The following EMC3 variants were observed in gnomAD, a reference collection of about 807,000 sequenced individuals.
The protein encoded by EMC3 is ER membrane protein complex subunit 3.
Under a neutral mutation model 36.6 loss-of-function variants are expected in EMC3, and 13 were observed. The observed-to-expected ratio is 0.35, with a 90% CI of 0.23 to 0.56. The LOEUF (loss-of-function observed/expected upper bound fraction) is 0.56. Ranked by LOEUF, EMC3 falls within the 20% of genes least tolerant of loss-of-function variation. The pLI is 0.84. For synonymous variants in EMC3, 120 were observed against 111.9 expected (o/e 1.07, Z -0.46); for missense variants, 220 against 324.5 (o/e 0.68, Z 2.47).
chr3:9,987,305 G>A, upstream of EMC3: 2 of 985,060 alleles, frequency 2.0e-6, no homozygotes, highest in Non-Finnish European at 2.4e-6. Context: ...TCGAGGCCCC[G>A]CTCCCCTGCG....
rs563219466 is a variant in EMC3, at chr3:9,984,272, G to T, written c.155+2235C>A. Among the ~76,000 whole-genome samples the T allele has an allele frequency of 2.2e-4, 33 of 151,704 alleles. No homozygotes were observed. The East Asian group carries it at 3.5e-3, about 16-fold the overall frequency. On this transcript the variant is annotated intron_variant, in intron 1 of 7. Transcript: ENST00000245046. ...AATTTTTGTATTTTTAGTAGAGATG[G>T]GGTTTCACCATGTTGGCCAGGATGG...
chr3:10,007,056 C>T, intron 1 of EMC3: 1 of 297,058 alleles, frequency 3.4e-6, no homozygotes. Flanking sequence ...TGCTGCTTTG[C>T]ACCCTCTTTG....
At chr3:9,991,148 G>A (rs1559356143), upstream of EMC3, among the ~76,000 whole-genome samples, 1 of 152,090 alleles carries the variant, frequency 6.6e-6, no homozygotes, top group Non-Finnish European at 1.5e-5. Flanking sequence ...TTTTTATAGA[G>A]ATGAGGTCTT....
chr3:10,008,754 G>A (rs2086291342), intron 1 of EMC3: 3 of 285,006 alleles, frequency 1.1e-5, no homozygotes, highest in Non-Finnish European at 2.1e-5. Flanking sequence ...CCCATTCTCA[G>A]GTTCTGAAGT....
upstream of EMC3, among the ~76,000 whole-genome samples, chr3:9,990,325 C>CTTTTTTTTTTTTTT (rs4020037): frequency 3.4e-5 from 3 of 88,704 alleles, no homozygotes; most frequent in African/African-American, 1.7e-4. Flanking sequence ...GGGCCTTTCT[C>CTTTTTTTTTTTTTT]TTTTTTTTTT....
intron 1 of EMC3, among the ~76,000 whole-genome samples, chr3:9,984,726 G>A (rs559009596): frequency 1.3e-5 from 2 of 152,248 alleles, no homozygotes; most frequent in East Asian, 3.9e-4. Context: ...TCCAGGGTGG[G>A]GTGCTGGCTC....
chr3:9,989,020 C>G (rs568653459), upstream of EMC3, among the ~76,000 whole-genome samples: 1 of 152,014 alleles, frequency 6.6e-6, no homozygotes. Flanking sequence ...AAGGTGCAGT[C>G]AAAGAAGCCA....
At chr3:10,003,829 A>T (rs966292555) in intron 1 of EMC3, 4 of 158,512 alleles carry the variant, frequency 2.5e-5, no homozygotes, top group Non-Finnish European at 5.6e-5. Flanking sequence ...GAGAAGGCCT[A>T]GACCATGTTC....
rs757866971 is a variant in EMC3 at position 9,986,602 on chromosome 3, G to A, written c.60C>T (p.Ile20=). ...SNIRLWVVLP[I]VIITFFVGMI... ...TGCCTACGAAGAAAGTGATGATAACGATGGGTAGGACCACCCAGAGGCGGA... is the reference window on the plus strand; with the variant it reads ...TGCCTACGAAGAAAGTGATGATAACAATGGGTAGGACCACCCAGAGGCGGA... The change falls in exon 1 of 8, where the codon ATC becomes ATT. Residue 20 remains isoleucine, a synonymous_variant. Coordinates refer to ENST00000245046, the MANE Select transcript of EMC3 (RefSeq NM_001394674.1). 1.9e-6 allele frequency: 3 copies of A among 1,614,104 alleles called. No individual in the cohort carries two copies. Among genetic ancestry groups the A allele is most frequent in the East Asian group, 2.2e-5 (1 of 44,902 alleles).
chr3:9,979,118 G>A (rs2085882471), intron 1 of EMC3, among the ~76,000 whole-genome samples: 1 of 152,112 alleles, frequency 6.6e-6, no homozygotes, highest in Admixed American at 6.6e-5. Context: ...AGCTCATTAT[G>A]CTATACAGTT....
At chr3:10,010,567 T>C (rs917681112) in intron 1 of EMC3, among the ~76,000 whole-genome samples, 3 of 152,076 alleles carry the variant, frequency 2.0e-5, no homozygotes, top group Non-Finnish European at 4.4e-5. Context: ...CCCACCTCTA[T>C]GGGGAGTTTT....
intron 7 of EMC3, among the ~76,000 whole-genome samples, chr3:9,965,175 G>A (rs1436964390): frequency 6.6e-6 from 1 of 151,814 alleles, no homozygotes; most frequent in East Asian, 1.9e-4. Context: ...GGGAGGCCAA[G>A]GCAGGAGGAT....
intron 1 of EMC3, among the ~76,000 whole-genome samples, chr3:9,986,301 C>T (rs1368982609): frequency 6.6e-6 from 1 of 152,122 alleles, no homozygotes; most frequent in Non-Finnish European, 1.5e-5. Context: ...ACAGACATCA[C>T]CTAATTTGAT....
At chr3:9,988,051 A>G (rs550701598), upstream of EMC3, 1 of 662,134 alleles carries the variant, frequency 1.5e-6, no homozygotes, top group Non-Finnish European at 2.8e-6. Context: ...CTCACATAGG[A>G]TGTCACAGTT....
intron 1 of EMC3, among the ~76,000 whole-genome samples, chr3:9,999,854 T>C (rs1322530080): frequency 6.6e-6 from 1 of 152,208 alleles, no homozygotes; most frequent in Non-Finnish European, 1.5e-5. Flanking sequence ...TAGACATTGC[T>C]ACCTTATTTT....
At chr3:10,007,690 C>T (rs2086280114) in intron 1 of EMC3, 15 of 1,310,728 alleles carry the variant, frequency 1.1e-5, no homozygotes, top group Admixed American at 4.2e-5. Flanking sequence ...CCCAGGAACC[C>T]GGTTTGTCCG....
chr3:10,007,596 G>C, intron 1 of EMC3: 1 of 1,367,604 alleles, frequency 7.3e-7, no homozygotes, highest in South Asian at 1.1e-5. Context: ...TGTCAGGGGA[G>C]GGTTGATGGC....
intron 1 of EMC3, among the ~76,000 whole-genome samples, chr3:9,984,514 C>T (rs2085948888): frequency 6.6e-6 from 1 of 151,932 alleles, no homozygotes; most frequent in Non-Finnish European, 1.5e-5. Context: ...CTCAGCCTCC[C>T]GAGTAGCTGG....
chr3:9,981,928 G>A (rs1486884531), intron 1 of EMC3, among the ~76,000 whole-genome samples: 1 of 150,910 alleles, frequency 6.6e-6, no homozygotes, highest in Non-Finnish European at 1.5e-5. Context: ...TACAGCTTTG[G>A]TTTAATACCT....
Sources: gnomAD v4.1 joint callset for allele counts (sites outside exome capture counted in the v4.1 genomes callset) on GRCh38, gnomAD v4.1.1 for gene constraint, MANE v1.5 for transcripts, NCBI Gene and HGNC (gene_info 2026-07-23, HGNC 2026-07-21) for gene names.